The following ASIC2 variants were observed in gnomAD, a reference collection of about 807,000 sequenced individuals.
ASIC2 encodes acid-sensing ion channel 2.
In ASIC2, 25 loss-of-function variants were observed where a neutral mutation model predicts 57.3. That is an observed-to-expected ratio of 0.44 (90% CI 0.32 to 0.61). The LOEUF (loss-of-function observed/expected upper bound fraction) is 0.61. Among genes scored for constraint, ASIC2 ranks in the 20% least tolerant of loss-of-function variants. The probability of loss-of-function intolerance (pLI) is 0.06; values close to 1 mark genes in which losing one functional copy is unlikely to be tolerated. For synonymous variants in ASIC2, 319 were observed against 307.5 expected, an observed-to-expected ratio of 1.04 and a Z score of -0.39; for missense variants, 641 against 738.1, an observed-to-expected ratio of 0.87 and a Z score of 1.52.
At chr17:34,038,835 G>A in intron 1 of ASIC2, 1 of 1,612,310 alleles carries the variant, frequency 6.2e-7, no homozygotes, top group Non-Finnish European at 8.5e-7. Context: ...ATGGCAGGAG[G>A]TTTCCGCTTT....
intron 1 of ASIC2, among the ~76,000 whole-genome samples, chr17:33,445,045 C>T (rs1402745383): frequency 6.6e-6 from 1 of 152,192 alleles, no homozygotes; most frequent in African/African-American, 2.4e-5. Context: ...CTAACTGGCC[C>T]TTTGCAGAAA....
At chr17:33,865,240 C>T (rs961852105) in intron 1 of ASIC2, among the ~76,000 whole-genome samples, 7 of 152,206 alleles carry the variant, frequency 4.6e-5, no homozygotes, top group African/African-American at 1.7e-4. Context: ...CCCCAGGAGC[C>T]ATGAGATGGT....
intron 1 of ASIC2, among the ~76,000 whole-genome samples, chr17:34,042,633 C>CTTGATTGCTG (rs1908183339): frequency 6.6e-6 from 1 of 152,076 alleles, no homozygotes; most frequent in African/African-American, 2.4e-5. Context: ...TGTTCTCTAT[C>CTTGATTGCTG]TTGATTGCTG....
chr17:33,467,330 G>A (rs928344372), intron 1 of ASIC2, among the ~76,000 whole-genome samples: 1 of 152,124 alleles, frequency 6.6e-6, no homozygotes, highest in Non-Finnish European at 1.5e-5. Context: ...TTTCTCAAAG[G>A]CTTTAAAAGC....
intron 1 of ASIC2, among the ~76,000 whole-genome samples, chr17:34,016,699 G>A (rs1038587360): frequency 1.3e-5 from 2 of 152,196 alleles, no homozygotes; most frequent in Admixed American, 6.5e-5. Flanking sequence ...ATTTTTAACA[G>A]TGTTTAACTT....
At chr17:33,158,295 A>G (rs1033390541) in intron 1 of ASIC2, among the ~76,000 whole-genome samples, 4 of 151,942 alleles carry the variant, frequency 2.6e-5, no homozygotes, top group African/African-American at 9.7e-5. Flanking sequence ...GAATGAATGA[A>G]TGAATGAGTG....
intron 8 of ASIC2, among the ~76,000 whole-genome samples, chr17:33,017,253 G>A (rs2141892126): frequency 6.6e-6 from 1 of 152,288 alleles, no homozygotes; most frequent in South Asian, 2.1e-4. Context: ...CATGGATGAA[G>A]CCACCACCTC....
intron 1 of ASIC2, among the ~76,000 whole-genome samples, chr17:33,486,429 G>C: frequency 6.6e-6 from 1 of 152,172 alleles, no homozygotes; most frequent in East Asian, 1.9e-4. Context: ...CTCTACTCAC[G>C]TTTTTTCCTG....
intron 1 of ASIC2, among the ~76,000 whole-genome samples, chr17:33,492,589 C>T (rs1351500420): frequency 1.3e-5 from 2 of 152,210 alleles, no homozygotes; most frequent in Non-Finnish European, 2.9e-5. Flanking sequence ...AGTGAACATA[C>T]CTTTCCTTCC....
chr17:33,190,936 G>A (rs918549389), intron 1 of ASIC2, among the ~76,000 whole-genome samples: 20 of 152,122 alleles, frequency 1.3e-4, no homozygotes, highest in African/African-American at 4.6e-4. Context: ...AAAGTTAAGT[G>A]CATACGTACC....
Position 33,573,812 on chromosome 17 carries a change from C to T in ASIC2, c.556-461745G>A, listed in dbSNP as rs959280407. 7.2e-5 allele frequency among the ~76,000 whole-genome samples: 11 copies of T among 152,272 alleles called. No individual in the cohort carries two copies. In the East Asian group the frequency reaches 1.4e-3, roughly 19 times the overall value. ...AACTCCTGACCTCCGGTGATCCACC[C>T]GCCTCGGCCTCCCAAAGTGCTAGAA... On this transcript the variant is annotated intron_variant, in intron 1 of 9. Coordinates refer to the ASIC2 transcript ENST00000359872.
chr17:33,396,048 T>C (rs547264655), intron 1 of ASIC2, among the ~76,000 whole-genome samples: 15 of 152,310 alleles, frequency 9.8e-5, no homozygotes, highest in African/African-American at 3.4e-4. Context: ...TTTTAATCAA[T>C]TGGAGGAGAA....
chr17:33,609,910 G>A (rs948681524), intron 1 of ASIC2, among the ~76,000 whole-genome samples: 4 of 152,112 alleles, frequency 2.6e-5, no homozygotes, highest in African/African-American at 9.7e-5. Flanking sequence ...GGGAAAATAA[G>A]AACCAGAGTC....
At chr17:34,099,114 G>A (rs62059040) in intron 1 of ASIC2, among the ~76,000 whole-genome samples, 90 of 27,400 alleles carry the variant, frequency 3.3e-3, no homozygotes, top group African/African-American at 8.6e-3. Context: ...GAGAGAGAGA[G>A]AGAGAGAGAG....
intron 1 of ASIC2, among the ~76,000 whole-genome samples, chr17:33,115,086 C>T (rs567734636): frequency 6.6e-6 from 1 of 152,248 alleles, no homozygotes; most frequent in South Asian, 2.1e-4. Flanking sequence ...TTGACTGCCT[C>T]CTTGCTAGGG....
At chr17:33,447,071 G>T (rs1227272876) in intron 1 of ASIC2, among the ~76,000 whole-genome samples, 1 of 152,162 alleles carries the variant, frequency 6.6e-6, no homozygotes, top group Non-Finnish European at 1.5e-5. Flanking sequence ...CAAATTTATG[G>T]TGTTTGCAGT....
chr17:33,838,121 T>A (rs527765449), intron 1 of ASIC2, among the ~76,000 whole-genome samples: 11 of 152,328 alleles, frequency 7.2e-5, no homozygotes, highest in South Asian at 6.2e-4. Context: ...TAATTATGTA[T>A]TTGTCTTCTT....
chr17:34,110,355 A>C (rs1911226021), intron 1 of ASIC2, among the ~76,000 whole-genome samples: 1 of 152,204 alleles, frequency 6.6e-6, no homozygotes, highest in African/African-American at 2.4e-5. Flanking sequence ...CTAACCAGGA[A>C]CAACTCTGGG....
At chr17:33,601,772 C>T (rs1905120086) in intron 1 of ASIC2, among the ~76,000 whole-genome samples, 1 of 152,176 alleles carries the variant, frequency 6.6e-6, no homozygotes, top group Admixed American at 6.5e-5. Flanking sequence ...CTAGCACAGC[C>T]ATAGCAATGG....
Sources: gnomAD v4.1 joint callset for allele counts (sites outside exome capture counted in the v4.1 genomes callset) on GRCh38, gnomAD v4.1.1 for gene constraint, MANE v1.5 for transcripts, NCBI Gene and HGNC (gene_info 2026-07-23, HGNC 2026-07-21) for gene names.